Variants in FAM53B observed in about 807,000 individuals in gnomAD.
FAM53B encodes the protein protein FAM53B.
Under a neutral mutation model 32.7 loss-of-function variants are expected in FAM53B, and 12 were observed. The observed-to-expected ratio is 0.37, with a 90% CI of 0.24 to 0.59. The LOEUF (loss-of-function observed/expected upper bound fraction) is 0.59. Among genes scored for constraint, FAM53B ranks in the 20% least tolerant of loss-of-function variants. The pLI, the probability that FAM53B is intolerant of heterozygous loss-of-function variation, is 0.72. For missense variants in FAM53B, 477 were observed against 577.7 expected (o/e 0.83, Z 1.79); for synonymous variants, 234 against 228.7 (o/e 1.02, Z -0.21).
chr10:124,658,829 AG>A (rs767318832), intron 4 of FAM53B, among the ~76,000 whole-genome samples: 1 of 152,178 alleles, frequency 6.6e-6, no homozygotes, highest in Non-Finnish European at 1.5e-5. Context: ...CGCCTGTCAA[AG>A]CTTCTCCAGC....
At chr10:124,692,148 G>A (rs991923185) in intron 3 of FAM53B, among the ~76,000 whole-genome samples, 1 of 152,214 alleles carries the variant, frequency 6.6e-6, no homozygotes, top group Middle Eastern at 3.2e-3. Context: ...CCGCTGGCAG[G>A]AGCCCTGTGG....
intron 3 of FAM53B, among the ~76,000 whole-genome samples, chr10:124,690,490 G>A (rs1056528407): frequency 5.3e-5 from 8 of 152,212 alleles, no homozygotes; most frequent in African/African-American, 1.9e-4. Context: ...GGCTGGCAGT[G>A]GCCATTCCCT....
Position 124,620,986 on chromosome 10 carries a change from C to T in FAM53B, c.*2256G>A, listed in dbSNP as rs970375592. On this transcript the variant is annotated 3_prime_UTR_variant, in exon 5 of 5. Transcript: ENST00000337318. Reference sequence around the variant, plus strand: ...TCCACAGCTTGTCCCTTCCTGCCACCAGGCCTGAATGGGGAGGTGGCAGGC... The same window carrying T: ...TCCACAGCTTGTCCCTTCCTGCCACTAGGCCTGAATGGGGAGGTGGCAGGC... 6.6e-6 allele frequency: 1 copy of T among 152,182 alleles called. No homozygotes were observed. The highest frequency in any genetic ancestry group is 1.5e-5 in the Non-Finnish European group (1 of 68,042). The allele number at this position is 152,182 out of a possible 1,614,324, so 9.4% of individuals were successfully genotyped here.
At chr10:124,656,263 G>A (rs1949588553) in intron 4 of FAM53B, among the ~76,000 whole-genome samples, 1 of 152,236 alleles carries the variant, frequency 6.6e-6, no homozygotes. Flanking sequence ...CTCCCACTGT[G>A]GAGGCGCAGT....
In FAM53B at chr10:124,681,995, C is replaced by T. The variant is rs1949776085; in HGVS notation, c.518G>A (p.Arg173Gln). 14 of 1,613,876 alleles carry T rather than the reference C, an allele frequency of 8.7e-6. No homozygotes were observed. The highest frequency in any genetic ancestry group is 2.2e-5 in the East Asian group (1 of 44,880). ...GCAGGGTGAGGAGAGCACGTTGGCC[C>T]GGGAAGGGAGGCTGAAGCTGGAACT... ...QRSSSFSLPS[R>Q]ANVLSSPCDQ... The change falls in exon 4 of 5, where the codon CGG (arginine) becomes CAG (glutamine). Residue 173 changes from arginine to glutamine, a missense_variant. Around this residue, in one of 2 missense-constraint regions of FAM53B, gnomAD observed 312 missense variants for 420.2 expected, o/e 0.74. Transcript: ENST00000337318.
chr10:124,630,934 G>A (rs1949387090), intron 4 of FAM53B, among the ~76,000 whole-genome samples: 1 of 152,250 alleles, frequency 6.6e-6, no homozygotes, highest in Non-Finnish European at 1.5e-5. Flanking sequence ...CAGACTCACA[G>A]GGCAGGCGCC....
rs1949697704 is a variant in FAM53B at position 124,669,955 on chromosome 10, GTGAGGATTA to G, written c.906+11643_906+11651del. On this transcript the variant is annotated intron_variant, in intron 4 of 4. Transcript: ENST00000337318. ...AGGGTGGGTGAGGATTACAGGGTGG[GTGAGGATTA>G]CAGGGTGGGTGAGGACCACACACCC... Among the ~76,000 whole-genome samples, 8 of 151,260 alleles carry G rather than the reference GTGAGGATTA, an allele frequency of 5.3e-5. No homozygotes were observed. In the South Asian group the frequency reaches 1.7e-3, roughly 32 times the overall value.
At chr10:124,741,924 A>G (rs1950202584) in intron 1 of FAM53B, among the ~76,000 whole-genome samples, 1 of 152,230 alleles carries the variant, frequency 6.6e-6, no homozygotes, top group Non-Finnish European at 1.5e-5. Flanking sequence ...AGACTGGAAC[A>G]TTCAAGTCCA....
chr10:124,666,664 G>C (rs1027303612), intron 4 of FAM53B, among the ~76,000 whole-genome samples: 1 of 152,140 alleles, frequency 6.6e-6, no homozygotes, highest in Non-Finnish European at 1.5e-5. Flanking sequence ...GCCCTGCCCC[G>C]GCCACACGCC....
At chr10:124,706,118 C>T (rs1949955934) in intron 2 of FAM53B, among the ~76,000 whole-genome samples, 1 of 152,180 alleles carries the variant, frequency 6.6e-6, no homozygotes, top group Admixed American at 6.5e-5. Context: ...TACCTCTCTG[C>T]GCTAGTCCAC....
intron 4 of FAM53B, among the ~76,000 whole-genome samples, chr10:124,631,650 C>A (rs1949391960): frequency 6.6e-6 from 1 of 152,212 alleles, no homozygotes; most frequent in Non-Finnish European, 1.5e-5. Context: ...TCCCAAGGCC[C>A]CTCTTCCTCA....
chr10:124,707,700 C>T (rs1054966057), intron 1 of FAM53B, among the ~76,000 whole-genome samples: 3 of 152,216 alleles, frequency 2.0e-5, no homozygotes, highest in Admixed American at 6.5e-5. Context: ...GATTGCACCA[C>T]GGCACTCCAG....
At chr10:124,731,720 C>T (rs572963363) in intron 1 of FAM53B, among the ~76,000 whole-genome samples, 244 of 152,080 alleles carry the variant, frequency 1.6e-3, no homozygotes, top group Non-Finnish European at 3.1e-3. Flanking sequence ...TTCTAGCGTG[C>T]GGGATTCCAG....
At chr10:124,697,008 C>T (rs963231954) in intron 2 of FAM53B, among the ~76,000 whole-genome samples, 1 of 152,128 alleles carries the variant, frequency 6.6e-6, no homozygotes, top group African/African-American at 2.4e-5. Flanking sequence ...TGCTCCATGG[C>T]TACACAGTAA....
intron 4 of FAM53B, among the ~76,000 whole-genome samples, chr10:124,673,392 C>T (rs1214781949): frequency 2.0e-5 from 3 of 152,208 alleles, no homozygotes; most frequent in Non-Finnish European, 4.4e-5. Flanking sequence ...CCCTTAACAA[C>T]CCACCCATGA....
chr10:124,623,513 G>C lies in FAM53B; in HGVS notation c.998C>G (p.Thr333Ser). 6.3e-7 allele frequency: 1 copy of C among 1,595,874 alleles called. No individual in the cohort carries two copies. The highest frequency in any genetic ancestry group is 8.5e-7 in the Non-Finnish European group (1 of 1,171,980). ...QSPFARHVSN[T>S]RAWTALLSAS... ...TGAGAGCAGGGCGGTCCAGGCCCTG[G>C]TGTTGCTGACGTGGCGGGCGAAGGG... is the stretch of plus-strand genomic sequence containing the variant. The change falls in exon 5 of 5, where the codon ACC (threonine) becomes AGC (serine). Residue 333 changes from threonine (T) to serine (S), a missense_variant. Physicochemically the swap from Thr to Ser is moderately conservative, Grantham distance 58. Around this residue, in one of 2 missense-constraint regions of FAM53B, gnomAD observed 165 missense variants for 157.5 expected, o/e 1.05. Coordinates refer to ENST00000337318, the MANE Select transcript of FAM53B (RefSeq NM_014661.4).
intron 4 of FAM53B, among the ~76,000 whole-genome samples, chr10:124,633,517 T>A (rs537343293): frequency 6.6e-6 from 1 of 152,268 alleles, no homozygotes; most frequent in South Asian, 2.1e-4. Flanking sequence ...AAGCTAACCC[T>A]CCTAGACTAG....
chr10:124,715,062 C>T (rs1282051386), intron 1 of FAM53B, among the ~76,000 whole-genome samples: 2 of 152,244 alleles, frequency 1.3e-5, no homozygotes, highest in Admixed American at 6.5e-5. Context: ...GACCCCACTA[C>T]TCCAAGACCT....
chr10:124,687,913 G>A (rs1404523113), intron 3 of FAM53B, among the ~76,000 whole-genome samples: 2 of 152,208 alleles, frequency 1.3e-5, no homozygotes, highest in Admixed American at 6.5e-5. Context: ...AGAAGCTTCA[G>A]GAGGGTTGAC....
Sources: gnomAD v4.1 joint callset for allele counts (sites outside exome capture counted in the v4.1 genomes callset) on GRCh38, gnomAD v4.1.1 for gene constraint, gnomAD v4.1.1 regional missense constraint, MANE v1.5 for transcripts, NCBI Gene and HGNC (gene_info 2026-07-23, HGNC 2026-07-21) for gene names.